Variants in MAP3K4 observed in about 807,000 individuals in gnomAD.
MAP3K4 encodes the protein mitogen-activated protein kinase kinase kinase 4.
A neutral mutation model predicts 185.6 loss-of-function variants in MAP3K4; 67 were observed. That is an observed-to-expected ratio of 0.36 (90% CI 0.30 to 0.44). The LOEUF (loss-of-function observed/expected upper bound fraction) is 0.44. Ranked by LOEUF, MAP3K4 falls within the 20% of genes least tolerant of loss-of-function variation. MAP3K4 has a pLI of 1.00. For synonymous variants in MAP3K4, 702 were observed against 710.4 expected, an observed-to-expected ratio of 0.99 and a Z score of 0.19; for missense variants, 1,551 against 1,995.1, an observed-to-expected ratio of 0.78 and a Z score of 4.24.
At position 161,070,912 on chromosome 6, in the gene MAP3K4, TTTTTA is replaced by T; in HGVS notation, c.1950+67_1950+71del. ...ATTATATTATCCTACAGGCTTATCA[TTTTTA>T]TTTTGAGAGTTCCTTTTTTTTTCTT... On this transcript the variant is annotated intron_variant, in intron 4 of 26. Transcript: ENST00000392142. This position sits in a 1 kb window ranked among gnomAD's most constrained non-coding sequence, Gnocchi z 4.5. 7.1e-7 allele frequency: 1 copy of T among 1,411,498 alleles called. No homozygotes were observed. Among genetic ancestry groups the T allele is most frequent in the Non-Finnish European group, 9.4e-7 (1 of 1,067,444 alleles). 87.4% of individuals were successfully genotyped at this position (1,411,498 alleles called of 1,614,324 possible). A position where few individuals can be genotyped will look rare whatever the true frequency, so the allele number is the denominator to read the frequency against.
chr6:161,089,182 T>C (rs373349749), intron 10 of MAP3K4, 140 bp from the exon 11 acceptor site: 1 of 886,954 alleles, frequency 1.1e-6, no homozygotes, highest in East Asian at 2.5e-5. Context: ...GGAGAAGCTT[T>C]GCTTAAAAAT....
In MAP3K4 at chr6:161,054,555, A is replaced by G. The variant is rs1299801638; in HGVS notation, c.1707+4576A>G. Among the ~76,000 whole-genome samples the G allele has an allele frequency of 6.6e-6, 1 of 152,240 alleles. No individual in the cohort carries two copies. Among genetic ancestry groups the G allele is most frequent in the Non-Finnish European group, 1.5e-5 (1 of 68,034 alleles). On this transcript the variant is annotated intron_variant, in intron 3 of 26. Transcript: ENST00000392142. The surrounding 1 kb of genome is among the most constrained non-coding windows in gnomAD (Gnocchi z 4.2). Reference sequence around the variant, plus strand: ...AAATCTGTTTGCAGTTTGTTTTCATAATATGAATGCCATAAATGCCTTTAA... The same window carrying G: ...AAATCTGTTTGCAGTTTGTTTTCATGATATGAATGCCATAAATGCCTTTAA...
chr6:161,020,597 G>A (rs577600098), intron 1 of MAP3K4, among the ~76,000 whole-genome samples: 4 of 150,820 alleles, frequency 2.7e-5, no homozygotes, highest in African/African-American at 4.9e-5. Context: ...AGTGGAGGCT[G>A]TGGTGAGCCG....
chr6:161,069,307 A>G (rs1369014267), intron 3 of MAP3K4, among the ~76,000 whole-genome samples: 1 of 152,198 alleles, frequency 6.6e-6, no homozygotes, highest in Non-Finnish European at 1.5e-5. Flanking sequence ...TTTTAGTGGC[A>G]TGCTGTTGGG....
chr6:161,031,717 ATTACT>A lies in MAP3K4; in HGVS notation c.153-2538_153-2534del, dbSNP rs149989134. On this transcript the variant is annotated intron_variant, in intron 1 of 26. Transcript: ENST00000392142. Reference sequence around the variant, plus strand: ...ATATTTTTCGTAGCCCTTTGTTTCCATTACTTTAATTTTAAAAACACCTTTACAAC... The same window carrying A: ...ATATTTTTCGTAGCCCTTTGTTTCCATTAATTTTAAAAACACCTTTACAAC... Among the ~76,000 whole-genome samples the A allele has an allele frequency of 8.0e-3, 1,225 of 152,242 alleles. 14 individuals are homozygous for A. The highest frequency in any genetic ancestry group is 0.065 in the Middle Eastern group (19 of 294).
rs1233092075 is a variant in MAP3K4 at position 161,089,196 on chromosome 6, T to C, written c.2824-126T>C. 4 of 1,044,434 alleles carry C rather than the reference T, an allele frequency of 3.8e-6. No individual in the cohort carries two copies. The East Asian group carries it at 9.6e-5, about 25-fold the overall frequency. 64.7% of individuals were successfully genotyped at this position (1,044,434 alleles called of 1,614,324 possible). A position where few individuals can be genotyped will look rare whatever the true frequency, so the allele number is the denominator to read the frequency against. ...AGGAGAAGCTTTGCTTAAAAATGAC[T>C]TTCTGATTAGATGGTTGTTGGCCTG... On this transcript the variant is annotated intron_variant, in intron 10 of 26. Coordinates refer to ENST00000392142, the MANE Select transcript of MAP3K4 (RefSeq NM_005922.4).
At chr6:161,081,276 TGCTCCTGGCA>T (rs1253324851) in intron 6 of MAP3K4, among the ~76,000 whole-genome samples, 8 of 124,738 alleles carry the variant, frequency 6.4e-5, no homozygotes, top group African/African-American at 2.4e-4. Flanking sequence ...ACTGGGAAGA[TGCTCCTGGCA>T]GCGAGTGGGC....
At chr6:161,068,682 G>A (rs1784808533) in intron 3 of MAP3K4, among the ~76,000 whole-genome samples, 1 of 152,156 alleles carries the variant, frequency 6.6e-6, no homozygotes, top group Admixed American at 6.5e-5. Context: ...TAAGGCAGAG[G>A]GTAGAGGAGA....
In MAP3K4 at chr6:161,097,779, T is replaced by C. The variant is rs1277108762; in HGVS notation, c.3525-499T>C. On this transcript the variant is annotated intron_variant, in intron 16 of 26. Transcript: ENST00000392142. The surrounding 1 kb of genome is among the most constrained non-coding windows in gnomAD (Gnocchi z 4.9). ...TTTGCTAGATAAGGACCACAGTTTT[T>C]TGTTTTTTTTTTAAAGCTTTGAGGG... is the stretch of plus-strand genomic sequence containing the variant. 2.9e-5 allele frequency among the ~76,000 whole-genome samples: 2 copies of C among 68,212 alleles called. No homozygotes were observed. Among genetic ancestry groups the C allele is most frequent in the East Asian group, 4.4e-3 (2 of 454 alleles). 44.7% of individuals were successfully genotyped at this position (68,212 alleles called of 152,430 possible).
chr6:160,993,367 TTTAAAATTAATAGTGAACAC>T (rs1562465887), intron 1 of MAP3K4, among the ~76,000 whole-genome samples: 1 of 152,232 alleles, frequency 6.6e-6, no homozygotes, highest in Admixed American at 6.5e-5. Flanking sequence ...TACCTTTTTC[TTTAAAATTAATAGTGAACAC>T]TTAACGGTTA....
chr6:161,096,974 C>A lies in MAP3K4; in HGVS notation c.3428-106C>A. On this transcript the variant is annotated intron_variant, in intron 15 of 26. Transcript: ENST00000392142. This position sits in a 1 kb window ranked among gnomAD's most constrained non-coding sequence, Gnocchi z 4.9. ...CTTATATAAATGGACTTACCTTGGTCATTGGCCAGAATAAGTGACATTCTA... is the reference window on the plus strand; with the variant it reads ...CTTATATAAATGGACTTACCTTGGTAATTGGCCAGAATAAGTGACATTCTA... 2.5e-6 allele frequency: 2 copies of A among 804,208 alleles called. No individual in the cohort carries two copies. Among genetic ancestry groups the A allele is most frequent in the South Asian group, 3.3e-5 (2 of 60,004 alleles). 49.8% of individuals were successfully genotyped at this position (804,208 alleles called of 1,614,324 possible). A position where few individuals can be genotyped will look rare whatever the true frequency, so the allele number is the denominator to read the frequency against.
chr6:161,009,436 G>T (rs644110), intron 1 of MAP3K4, among the ~76,000 whole-genome samples: 135,985 of 152,244 alleles, frequency 0.89, 61,070 homozygotes, highest in Non-Finnish European at 0.93. Flanking sequence ...TAAACACTGT[G>T]TTACAGTTTC....
intron 1 of MAP3K4, among the ~76,000 whole-genome samples, chr6:160,997,603 C>CA (rs2115036299): frequency 6.6e-6 from 1 of 152,150 alleles, no homozygotes; most frequent in South Asian, 2.1e-4. Flanking sequence ...CAAGAACAAA[C>CA]AGACTATGAA....
At chr6:161,000,740 T>C (rs374639201) in intron 1 of MAP3K4, among the ~76,000 whole-genome samples, 9 of 151,440 alleles carry the variant, frequency 5.9e-5, no homozygotes, top group Non-Finnish European at 1.3e-4. Context: ...TACACACACA[T>C]ATATGTGTAC....
Position 161,034,506 on chromosome 6 carries a change from C to A in MAP3K4, c.343+57C>A, listed in dbSNP as rs749621088. On this transcript the variant is annotated intron_variant, in intron 2 of 26. Transcript: ENST00000392142. This position sits in a 1 kb window ranked among gnomAD's most constrained non-coding sequence, Gnocchi z 4.4. ...GAGAGGGTATGGCACTTGATTGATT[C>A]TTTCAACAATAAAGTTAGCAATTTC... 2.2e-6 allele frequency: 3 copies of A among 1,340,460 alleles called. No individual in the cohort carries two copies. The highest frequency in any genetic ancestry group is 3.1e-6 in the Non-Finnish European group (3 of 972,710). The allele number at this position is 1,340,460 out of a possible 1,614,324, so 83.0% of individuals were successfully genotyped here.
chr6:161,004,708 C>T (rs1781491331), intron 1 of MAP3K4, among the ~76,000 whole-genome samples: 1 of 152,116 alleles, frequency 6.6e-6, no homozygotes, highest in African/African-American at 2.4e-5. Context: ...ACCCAAGTGA[C>T]AATAAATATT....
chr6:161,085,107 C>G (rs942564212), intron 7 of MAP3K4, among the ~76,000 whole-genome samples: 3 of 150,788 alleles, frequency 2.0e-5, no homozygotes, highest in Non-Finnish European at 4.4e-5. Context: ...GATCATGCCA[C>G]TGCACTCCAG....
rs2115066679 is a variant in MAP3K4 at position 161,007,923 on chromosome 6, A to G, written c.152+15840A>G. ...TACGGTGAAATATCAGAGATGTTAA[A>G]ATTAGGGAAAAACGTGTGTTTTAAA... On this transcript the variant is annotated intron_variant, in intron 1 of 26. Coordinates refer to ENST00000392142, the MANE Select transcript of MAP3K4 (RefSeq NM_005922.4). This position sits in a 1 kb window ranked among gnomAD's most constrained non-coding sequence, Gnocchi z 4.5. 6.6e-6 allele frequency among the ~76,000 whole-genome samples: 1 copy of G among 152,328 alleles called. No homozygotes were observed.
chr6:161,013,912 G>A (rs1239040853), intron 1 of MAP3K4, among the ~76,000 whole-genome samples: 2 of 152,296 alleles, frequency 1.3e-5, no homozygotes, highest in Admixed American at 1.3e-4. Context: ...ACACTGGTGG[G>A]CGTGTCTTAT....
Sources: allele counts gnomAD v4.1 joint callset (sites outside exome capture counted in the v4.1 genomes callset), GRCh38; gene constraint gnomAD v4.1.1; non-coding constraint Gnocchi (gnomAD v3.1); transcripts MANE v1.5; gene names NCBI Gene and HGNC (gene_info 2026-07-23, HGNC 2026-07-21).